Variants in ROBO1 observed in about 807,000 individuals in gnomAD.
The protein encoded by ROBO1 is roundabout homolog 1.
ROBO1 carries 149 observed loss-of-function variants against 195.9 expected under a neutral mutation model. The ratio of observed to expected loss-of-function variants is 0.76; its 90% CI spans 0.67 to 0.87. ROBO1 has a LOEUF of 0.87. ROBO1 is among the 40% of genes least tolerant of loss of function. The pLI is 0.00. For synonymous variants in ROBO1, 816 were observed against 733.2 expected (o/e 1.11, Z -1.82); for missense variants, 1,933 against 2,068.3 (o/e 0.93, Z 1.27).
At chr3:79,174,457 G>GT (rs533814540) in intron 2 of ROBO1, among the ~76,000 whole-genome samples, 1 of 152,088 alleles carries the variant, frequency 6.6e-6, no homozygotes, top group Non-Finnish European at 1.5e-5. Context: ...TTTAAGAACT[G>GT]TAACACTCAC....
At chr3:79,294,690 A>T (rs1011374324) in intron 2 of ROBO1, among the ~76,000 whole-genome samples, 1 of 152,162 alleles carries the variant, frequency 6.6e-6, no homozygotes, top group Non-Finnish European at 1.5e-5. Flanking sequence ...AAATTTTTGC[A>T]ATCTATCCAT....
At chr3:79,389,338 A>G (rs1314097186) in intron 2 of ROBO1, among the ~76,000 whole-genome samples, 2 of 152,166 alleles carry the variant, frequency 1.3e-5, no homozygotes, top group Non-Finnish European at 2.9e-5. Flanking sequence ...AAGTGCAAAG[A>G]AATATTAAAC....
chr3:79,018,995 G>A (rs919754657), intron 3 of ROBO1: 24 of 990,308 alleles, frequency 2.4e-5, no homozygotes, highest in African/African-American at 5.2e-5. Context: ...AGCTCCGGAG[G>A]AAGGGCTCGG....
chr3:79,464,339 C>T (rs571365752), intron 2 of ROBO1, among the ~76,000 whole-genome samples: 1 of 152,292 alleles, frequency 6.6e-6, no homozygotes. Context: ...CAAGGAACTG[C>T]CAAACAGTTT....
chr3:79,699,804 T>C (rs1947560515), intron 1 of ROBO1, among the ~76,000 whole-genome samples: 2 of 151,694 alleles, frequency 1.3e-5, no homozygotes, highest in Non-Finnish European at 3.0e-5. Context: ...TGAAAGGTAG[T>C]TACTGTTTGC....
chr3:78,711,354 CCTTCCT>C (rs2081702593), intron 8 of ROBO1, among the ~76,000 whole-genome samples: 1 of 65,158 alleles, frequency 1.5e-5, no homozygotes, highest in African/African-American at 8.0e-5. Context: ...CTTCCTCCTT[CCTTCCT>C]TCCTTCCTTC....
At chr3:79,066,066 C>A (rs2078997935) in intron 3 of ROBO1, among the ~76,000 whole-genome samples, 1 of 151,846 alleles carries the variant, frequency 6.6e-6, no homozygotes, top group Admixed American at 6.6e-5. Context: ...CCATTGAATC[C>A]AGAATCAATT....
intron 3 of ROBO1, among the ~76,000 whole-genome samples, chr3:79,116,506 C>T (rs1576693496): frequency 4.5e-5 from 6 of 133,958 alleles, no homozygotes; most frequent in Non-Finnish European, 3.2e-5. Context: ...CTCTTTCTTT[C>T]TTTTCTTTCT....
intron 3 of ROBO1, among the ~76,000 whole-genome samples, chr3:79,020,399 T>C (rs925984274): frequency 2.6e-5 from 4 of 152,210 alleles, no homozygotes; most frequent in African/African-American, 7.2e-5. Flanking sequence ...TTCTTTTAAA[T>C]AGGACACAGT....
intron 4 of ROBO1, among the ~76,000 whole-genome samples, chr3:78,859,365 C>G (rs1254014265): frequency 6.6e-6 from 1 of 152,172 alleles, no homozygotes; most frequent in Non-Finnish European, 1.5e-5. Flanking sequence ...ATTAACCTTA[C>G]TGGCTGAGCA....
intron 2 of ROBO1, among the ~76,000 whole-genome samples, chr3:79,256,284 C>T (rs6805177): frequency 0.057 from 8,726 of 152,184 alleles, 366 homozygotes; most frequent in African/African-American, 0.12. Context: ...ACCCTTTCTT[C>T]CAAGGCTGTA....
At chr3:79,214,826 A>ATATATT (rs1262558726) in intron 2 of ROBO1, among the ~76,000 whole-genome samples, 5 of 129,154 alleles carry the variant, frequency 3.9e-5, no homozygotes, top group Non-Finnish European at 4.8e-5. Context: ...ATATATATAT[A>ATATATT]TTTTTTTTTT....
At chr3:79,579,398 G>T (rs972470562) in intron 2 of ROBO1, among the ~76,000 whole-genome samples, 5 of 152,140 alleles carry the variant, frequency 3.3e-5, no homozygotes, top group Admixed American at 3.3e-4. Flanking sequence ...TGCTACTTAA[G>T]AAAGGAAGAC....
chr3:79,617,482 C>G, intron 1 of ROBO1, among the ~76,000 whole-genome samples: 1 of 151,994 alleles, frequency 6.6e-6, no homozygotes, highest in Non-Finnish European at 1.5e-5. Context: ...AAATATGAAG[C>G]CTTGCCCCGT....
intron 2 of ROBO1, among the ~76,000 whole-genome samples, chr3:79,202,510 A>C (rs1448706562): frequency 6.6e-6 from 1 of 151,990 alleles, no homozygotes; most frequent in African/African-American, 2.4e-5. Flanking sequence ...GCCCATGAAC[A>C]ATGGGGAACA....
At chr3:79,092,383 G>T (rs537013746) in intron 3 of ROBO1, among the ~76,000 whole-genome samples, 389 of 152,088 alleles carry the variant, frequency 2.6e-3, no homozygotes, top group African/African-American at 8.9e-3. Flanking sequence ...TGTCTAAAAA[G>T]GCTATGCTGG....
chr3:78,930,996 T>C (rs1170416676), intron 4 of ROBO1, among the ~76,000 whole-genome samples: 3 of 152,166 alleles, frequency 2.0e-5, no homozygotes, highest in African/African-American at 7.2e-5. Context: ...GTTATTTATT[T>C]GGCTAGTTGC....
chr3:79,474,234 G>A (rs979353168), intron 2 of ROBO1, among the ~76,000 whole-genome samples: 7 of 152,022 alleles, frequency 4.6e-5, no homozygotes, highest in Admixed American at 1.3e-4. Context: ...TTAGTGAGTC[G>A]CTCATGTGCT....
intron 2 of ROBO1, among the ~76,000 whole-genome samples, chr3:79,353,430 CG>C (rs1559839347): frequency 6.7e-6 from 1 of 150,304 alleles, no homozygotes; most frequent in Non-Finnish European, 1.5e-5. Flanking sequence ...CACACACACA[CG>C]CACAGAAGCA....
Sources: gnomAD v4.1 joint callset for allele counts (sites outside exome capture counted in the v4.1 genomes callset) on GRCh38, gnomAD v4.1.1 for gene constraint, MANE v1.5 for transcripts, NCBI Gene and HGNC (gene_info 2026-07-23, HGNC 2026-07-21) for gene names.